The following ROBO2 variants were observed in gnomAD, a reference collection of about 807,000 sequenced individuals.
ROBO2 encodes the protein roundabout homolog 2.
A neutral mutation model predicts 160.8 loss-of-function variants in ROBO2; 53 were observed. The observed-to-expected ratio is 0.33, with a 90% CI of 0.26 to 0.41. The LOEUF (loss-of-function observed/expected upper bound fraction) is 0.41, where lower values mean the gene tolerates loss of function less well. Ranked by LOEUF, ROBO2 falls within the 10% of genes least tolerant of loss-of-function variation. The pLI, the probability that ROBO2 is intolerant of heterozygous loss-of-function variation, is 1.00. For missense variants in ROBO2, 1,577 were observed against 1,722.4 expected (o/e 0.92, Z 1.49); for synonymous variants, 664 against 611.7 (o/e 1.09, Z -1.26).
rs549763686 is a variant in ROBO2, at chr3:77,143,301, TCTC to T, written c.388+44964_388+44966del. Among the ~76,000 whole-genome samples, 8 of 148,554 alleles carry T rather than the reference TCTC, an allele frequency of 5.4e-5. No homozygotes were observed. In the South Asian group the frequency reaches 1.6e-3, roughly 29 times the overall value. On this transcript the variant is annotated intron_variant, in intron 2 of 25. Transcript: ENST00000461745. The stretch of plus-strand genomic sequence containing the variant: ...CCTCTGCCTCCCAGGTTCAAGCAAT[TCTC>T]CTGCCTCAGCCTCCCGAGTAGCTGG...
chr3:77,505,220 T>G (rs1411431964), intron 5 of ROBO2, among the ~76,000 whole-genome samples: 1 of 152,144 alleles, frequency 6.6e-6, no homozygotes, highest in Non-Finnish European at 1.5e-5. Flanking sequence ...CAGAGAAAGT[T>G]TGGAAGTAGG....
intron 2 of ROBO2, among the ~76,000 whole-genome samples, chr3:77,264,547 T>TA (rs2059002619): frequency 6.6e-6 from 1 of 152,066 alleles, no homozygotes; most frequent in Non-Finnish European, 1.5e-5. Context: ...TGTTTTTTTT[T>TA]AATTCTAAAA....
chr3:76,520,773 GACAAAACAAA>G (rs536538735), intron 2 of ROBO2, among the ~76,000 whole-genome samples: 4 of 151,900 alleles, frequency 2.6e-5, no homozygotes, highest in African/African-American at 4.8e-5. Context: ...TCCACATCTT[GACAAAACAAA>G]ACAAAACAAA....
chr3:77,489,792 G>T (rs906853985), intron 4 of ROBO2, among the ~76,000 whole-genome samples: 19 of 152,250 alleles, frequency 1.2e-4, no homozygotes, highest in African/African-American at 4.6e-4. Context: ...TGTTAGATAG[G>T]TAGATAGTTT....
chr3:76,636,429 T>A (rs2090337125), intron 2 of ROBO2, among the ~76,000 whole-genome samples: 1 of 152,100 alleles, frequency 6.6e-6, no homozygotes, highest in Admixed American at 6.5e-5. Context: ...GCCCCCCAAA[T>A]TAAAGGGCAT....
intron 2 of ROBO2, among the ~76,000 whole-genome samples, chr3:76,493,248 C>A (rs2079932382): frequency 6.6e-6 from 1 of 150,850 alleles, no homozygotes; most frequent in Non-Finnish European, 1.5e-5. Flanking sequence ...GTCTTCCTGA[C>A]ACCTGGCACT....
rs1404361021 is a variant in ROBO2 at position 76,628,607 on chromosome 3, A to T, written c.110-469407A>T. ...TACTATCTCATTTCATGCCTCTCTG[A>T]AAAGGAAACTTTTTTTTCCTCACTG... On this transcript the variant is annotated intron_variant, in intron 2 of 26. Coordinates refer to the ROBO2 transcript ENST00000487694. Among the ~76,000 whole-genome samples, 3 of 152,096 alleles carry T rather than the reference A, an allele frequency of 2.0e-5. No homozygotes were observed. In the East Asian group the frequency reaches 5.8e-4, roughly 29 times the overall value.
intron 2 of ROBO2, among the ~76,000 whole-genome samples, chr3:76,686,053 C>T (rs2092678485): frequency 6.6e-6 from 1 of 152,062 alleles, no homozygotes; most frequent in African/African-American, 2.4e-5. Context: ...GTTTTCCTTT[C>T]CTTATCACTG....
intron 2 of ROBO2, among the ~76,000 whole-genome samples, chr3:75,962,425 T>A (rs1458499809): frequency 6.6e-6 from 1 of 151,860 alleles, no homozygotes; most frequent in Admixed American, 6.6e-5. Flanking sequence ...TAGGTCTGGC[T>A]TGGTTAGATA....
intron 2 of ROBO2, among the ~76,000 whole-genome samples, chr3:76,526,840 G>C (rs1040531550): frequency 6.6e-6 from 1 of 152,042 alleles, no homozygotes; most frequent in African/African-American, 2.4e-5. Flanking sequence ...ATAATGGGAA[G>C]TTAACAGAAT....
chr3:77,412,426 A>C (rs2076878086), intron 2 of ROBO2, among the ~76,000 whole-genome samples: 1 of 152,226 alleles, frequency 6.6e-6, no homozygotes, highest in Non-Finnish European at 1.5e-5. Flanking sequence ...TCATGATGGA[A>C]TGTTTGTTAA....
chr3:77,228,280 C>T (rs559030886), intron 2 of ROBO2, among the ~76,000 whole-genome samples: 1 of 152,222 alleles, frequency 6.6e-6, no homozygotes, highest in Non-Finnish European at 1.5e-5. Context: ...GATCCTCCCA[C>T]CTCAGCCTCT....
chr3:76,448,097 G>A (rs1016228406), intron 2 of ROBO2, among the ~76,000 whole-genome samples: 1 of 150,826 alleles, frequency 6.6e-6, no homozygotes, highest in African/African-American at 2.5e-5. Flanking sequence ...AACAAAAAAA[G>A]AAAAAACAAA....
intron 2 of ROBO2, among the ~76,000 whole-genome samples, chr3:76,267,164 C>T (rs983342204): frequency 1.3e-5 from 2 of 152,132 alleles, no homozygotes; most frequent in East Asian, 1.9e-4. Context: ...GCATCCTATA[C>T]GTATCTCAAC....
At chr3:75,917,807 A>G (rs1264693578) in intron 1 of ROBO2, among the ~76,000 whole-genome samples, 1 of 151,936 alleles carries the variant, frequency 6.6e-6, no homozygotes, top group Non-Finnish European at 1.5e-5. Context: ...GCTTTTTTTC[A>G]TGTGTTTATT....
At chr3:77,312,487 GTTT>G (rs2063632814) in intron 2 of ROBO2, among the ~76,000 whole-genome samples, 1 of 152,116 alleles carries the variant, frequency 6.6e-6, no homozygotes, top group Non-Finnish European at 1.5e-5. Flanking sequence ...GAATGAGGGT[GTTT>G]TAATTTTTAT....
intron 5 of ROBO2, among the ~76,000 whole-genome samples, chr3:77,498,783 C>T (rs1251075723): frequency 6.6e-6 from 1 of 152,086 alleles, no homozygotes; most frequent in Non-Finnish European, 1.5e-5. Context: ...GCCTTCTTCA[C>T]ATACAGTGTA....
chr3:76,572,327 A>G (rs1476083256), intron 2 of ROBO2, among the ~76,000 whole-genome samples: 3 of 151,888 alleles, frequency 2.0e-5, no homozygotes, highest in Non-Finnish European at 2.9e-5. Flanking sequence ...CATCATCATC[A>G]TCTCTCTCTA....
At chr3:75,965,109 T>C (rs183068169) in intron 2 of ROBO2, 88 of 151,846 alleles carry the variant, frequency 5.8e-4, no homozygotes, top group Admixed American at 2.5e-3. Context: ...TCATCAGCAC[T>C]CCCTACTTCT....
Sources: allele counts gnomAD v4.1 joint callset (sites outside exome capture counted in the v4.1 genomes callset), GRCh38; gene constraint gnomAD v4.1.1; transcripts MANE v1.5; gene names NCBI Gene and HGNC (gene_info 2026-07-23, HGNC 2026-07-21).